The following EDEM3 variants were observed in gnomAD, a reference collection of about 807,000 sequenced individuals.
EDEM3 encodes ER degradation-enhancing alpha-mannosidase-like protein 3.
In EDEM3, 60 loss-of-function variants were observed where a neutral mutation model predicts 110.2. The ratio of observed to expected loss-of-function variants is 0.54; its 90% CI spans 0.44 to 0.67. EDEM3 has a LOEUF of 0.67. EDEM3 is among the 30% of genes least tolerant of loss of function. The pLI is 0.00. For synonymous variants in EDEM3, 352 were observed against 382.9 expected (o/e 0.92, Z 0.94); for missense variants, 996 against 1,121.0 (o/e 0.89, Z 1.59).
intron 2 of EDEM3, among the ~76,000 whole-genome samples, chr1:184,749,060 AC>A (rs1047416678): frequency 9.9e-5 from 15 of 152,188 alleles, no homozygotes; most frequent in African/African-American, 3.6e-4. Context: ...GAGCCCTAAA[AC>A]ATTTTTAAAT....
chr1:184,713,262 G>A (rs916163525), intron 13 of EDEM3, among the ~76,000 whole-genome samples: 1 of 151,542 alleles, frequency 6.6e-6, no homozygotes, highest in Non-Finnish European at 1.5e-5. Context: ...GCAAGACTCC[G>A]ACTCAAAAAA....
chr1:184,696,496 C>A (rs78675337), intron 19 of EDEM3, among the ~76,000 whole-genome samples: 1 of 151,730 alleles, frequency 6.6e-6, no homozygotes, highest in East Asian at 1.9e-4. Context: ...AAGGATCACC[C>A]CTTTCTGCCC....
rs1180146505 is a variant in EDEM3, at chr1:184,693,557, C to T, written c.*506G>A. The T allele has an allele frequency of 2.0e-5, 3 of 152,722 alleles. No homozygotes were observed. Among genetic ancestry groups the T allele is most frequent in the Non-Finnish European group, 2.9e-5 (2 of 68,394 alleles). 9.5% of individuals were successfully genotyped at this position (152,722 alleles called of 1,614,324 possible). A position where few individuals can be genotyped will look rare whatever the true frequency, so the allele number is the denominator to read the frequency against. On this transcript the variant is annotated 3_prime_UTR_variant, in exon 20 of 20. Coordinates refer to ENST00000318130, the MANE Select transcript of EDEM3 (RefSeq NM_025191.4). Reference sequence around the variant, plus strand: ...ACTGTTTTCACCATAAATGCATTTGCTTCATAACCACTTAGGTCACTTAGA... The same window carrying T: ...ACTGTTTTCACCATAAATGCATTTGTTTCATAACCACTTAGGTCACTTAGA...
intron 18 of EDEM3, among the ~76,000 whole-genome samples, chr1:184,706,321 T>G (rs1180436626): frequency 1.3e-5 from 2 of 152,138 alleles, no homozygotes. Context: ...GTGTAATTCT[T>G]GCCCTTCGGG....
At chr1:184,747,443 G>A (rs979627115) in intron 2 of EDEM3, among the ~76,000 whole-genome samples, 1 of 152,172 alleles carries the variant, frequency 6.6e-6, no homozygotes, top group Non-Finnish European at 1.5e-5. Context: ...TTTTAGAACT[G>A]TGTCATGTTA....
intron 18 of EDEM3, among the ~76,000 whole-genome samples, chr1:184,705,639 T>A (rs774766416): frequency 1.3e-5 from 2 of 152,184 alleles, no homozygotes; most frequent in African/African-American, 2.4e-5. Context: ...ATAATAAGTG[T>A]TAATATTCTG....
chr1:184,696,467 C>T (rs540547714), intron 19 of EDEM3, among the ~76,000 whole-genome samples: 6 of 151,782 alleles, frequency 4.0e-5, no homozygotes, highest in African/African-American at 1.4e-4. Flanking sequence ...TCCGCTGTAA[C>T]CCTTTATGAT....
rs748487200 is a variant in EDEM3 at position 184,708,176 on chromosome 1, G to A, written c.2014C>T (p.Leu672=). The A allele has an allele frequency of 2.5e-6, 4 of 1,613,228 alleles. No homozygotes were observed. Among genetic ancestry groups the A allele is most frequent in the Non-Finnish European group, 3.4e-6 (4 of 1,179,654 alleles). The change falls in exon 17 of 20, where the codon CTG becomes TTG. Residue 672 remains leucine, a synonymous_variant. Coordinates refer to ENST00000318130, the MANE Select transcript of EDEM3 (RefSeq NM_025191.4). The part of the protein sequence containing the change: ...VLTAGPAQFG[L]DLSKHKETRG... ...ACCTCTTTATGTTTAGACAGATCCA[G>A]CCCAAACTGAGCTGGTCCAGCAGTC... is the stretch of plus-strand genomic sequence containing the variant.
intron 19 of EDEM3, among the ~76,000 whole-genome samples, chr1:184,697,915 CTA>C (rs1379287220): frequency 6.6e-6 from 1 of 151,326 alleles, no homozygotes; most frequent in Non-Finnish European, 1.5e-5. Flanking sequence ...ACCTCTGTCC[CTA>C]TATGTGTGTC....
intron 5 of EDEM3, among the ~76,000 whole-genome samples, chr1:184,733,646 G>A (rs1433047001): frequency 2.0e-5 from 3 of 151,992 alleles, no homozygotes; most frequent in Admixed American, 6.6e-5. Context: ...TGGCCAACAC[G>A]GTGAAACCCT....
chr1:184,734,120 ACTTC>A, intron 5 of EDEM3, among the ~76,000 whole-genome samples: 1 of 152,202 alleles, frequency 6.6e-6, no homozygotes, highest in East Asian at 1.9e-4. Context: ...AACACAGGAA[ACTTC>A]TTGCATGATT....
intron 19 of EDEM3, among the ~76,000 whole-genome samples, chr1:184,700,485 C>CA (rs1649557370): frequency 6.6e-6 from 1 of 151,576 alleles, no homozygotes; most frequent in Non-Finnish European, 1.5e-5. Flanking sequence ...AGCTGGGAGA[C>CA]AAAAAAGGGG....
chr1:184,697,187 G>C (rs896209292), intron 19 of EDEM3, among the ~76,000 whole-genome samples: 1 of 151,628 alleles, frequency 6.6e-6, no homozygotes, highest in Non-Finnish European at 1.5e-5. Flanking sequence ...AAAGGTATAA[G>C]ACCCACGTTG....
At chr1:184,722,960 A>G (rs1436854448) in intron 8 of EDEM3, among the ~76,000 whole-genome samples, 3 of 151,898 alleles carry the variant, frequency 2.0e-5, no homozygotes, top group Non-Finnish European at 4.4e-5. Context: ...CTCCTGATTT[A>G]TTTTAATAAC....
At chr1:184,752,377 G>C (rs1442305038) in intron 1 of EDEM3, among the ~76,000 whole-genome samples, 1 of 152,132 alleles carries the variant, frequency 6.6e-6, no homozygotes, top group African/African-American at 2.4e-5. Context: ...TTTAAAAAAT[G>C]CACAGGTAAA....
intron 13 of EDEM3, 65 bp downstream of exon 13, chr1:184,716,823 G>A: frequency 6.3e-7 from 1 of 1,577,668 alleles, no homozygotes; most frequent in East Asian, 2.3e-5. Flanking sequence ...AATCCTAAAT[G>A]GTAGCTGCAT....
chr1:184,732,664 A>G, intron 6 of EDEM3, 173 bp downstream of exon 6: 1 of 644,908 alleles, frequency 1.6e-6, no homozygotes, highest in African/African-American at 1.8e-5. Flanking sequence ...TTATCACATC[A>G]CTTAGAAGTA....
chr1:184,726,822 T>C (rs558496217), intron 6 of EDEM3, among the ~76,000 whole-genome samples: 1 of 152,358 alleles, frequency 6.6e-6, no homozygotes, highest in South Asian at 2.1e-4. Context: ...GTCTATATTA[T>C]ATATTAACTA....
chr1:184,708,378 T>C, intron 16 of EDEM3, 34 bp from the exon 17 acceptor site: 1 of 1,602,580 alleles, frequency 6.2e-7, no homozygotes. Flanking sequence ...TATCCTTCCT[T>C]TCTGGAAACT....
Sources: allele counts gnomAD v4.1 joint callset (sites outside exome capture counted in the v4.1 genomes callset), GRCh38; gene constraint gnomAD v4.1.1; transcripts MANE v1.5; gene names NCBI Gene and HGNC (gene_info 2026-07-23, HGNC 2026-07-21).